SHROOM4: variants seen among roughly 807,000 people sequenced by gnomAD.
SHROOM4 encodes shroom family member 4, also known as protein Shroom4.
SHROOM4 carries 17 observed loss-of-function variants against 80.3 expected under a neutral mutation model. The ratio of observed to expected loss-of-function variants is 0.21; its 90% CI spans 0.14 to 0.32. The LOEUF is 0.32. Ranked by LOEUF, SHROOM4 falls within the 10% of genes least tolerant of loss-of-function variation. The pLI, the probability that SHROOM4 is intolerant of heterozygous loss-of-function variation, is 1.00. For synonymous variants in SHROOM4, 400 were observed against 437.5 expected (o/e 0.91, Z 1.07); for missense variants, 993 against 1,140.3 (o/e 0.87, Z 1.86).
chrX:50,812,591 G>A (rs1478200351), intron 1 of SHROOM4, among the ~76,000 whole-genome samples: 1 of 110,926 alleles, frequency 9.0e-6, no homozygotes, highest in Non-Finnish European at 1.9e-5. Context: ...CTCCAGGGTT[G>A]CTAAGAGTGT....
intron 1 of SHROOM4, among the ~76,000 whole-genome samples, chrX:50,764,336 G>A (rs781849407): frequency 9.1e-5 from 10 of 110,113 alleles, no homozygotes; most frequent in Non-Finnish European, 1.5e-4. Flanking sequence ...TCTTGACTAC[G>A]CCAACCCAAA....
chrX:50,627,780 C>T (rs1018513819), intron 4 of SHROOM4, 105 bp from the exon 5 acceptor site: 2 of 650,845 alleles, frequency 3.1e-6, no homozygotes, highest in Non-Finnish European at 5.0e-6. Context: ...CCCAGCCCCC[C>T]AGCTTGTTTC....
At chrX:50,810,313 A>C (rs1484273948) in intron 1 of SHROOM4, among the ~76,000 whole-genome samples, 1 of 110,989 alleles carries the variant, frequency 9.0e-6, no homozygotes, top group Non-Finnish European at 1.9e-5. Context: ...GTCTCCCATG[A>C]CAACTATGAA....
At chrX:50,735,114 A>G (rs913724547) in intron 1 of SHROOM4, among the ~76,000 whole-genome samples, 1 of 112,152 alleles carries the variant, frequency 8.9e-6, no homozygotes, top group African/African-American at 3.2e-5. Flanking sequence ...ACAGTCTTGT[A>G]ATGGCACAAG....
intron 2 of SHROOM4, among the ~76,000 whole-genome samples, chrX:50,664,601 G>A (rs184129494): frequency 6.5e-4 from 72 of 110,380 alleles, no homozygotes; most frequent in Admixed American, 4.0e-3. Flanking sequence ...AATGACAATA[G>A]TAAGAATTAT....
chrX:50,733,163 C>A (rs887710714), intron 1 of SHROOM4, among the ~76,000 whole-genome samples: 15 of 111,513 alleles, frequency 1.3e-4, no homozygotes, highest in Non-Finnish European at 2.5e-4. Flanking sequence ...ACCAAACAAT[C>A]AATGACCACC....
chrX:50,603,114 C>A (rs1929507111), intron 6 of SHROOM4, among the ~76,000 whole-genome samples: 1 of 111,359 alleles, frequency 9.0e-6, no homozygotes, highest in African/African-American at 3.3e-5. Context: ...ACCTGGCAGG[C>A]CTTCTGATCA....
rs1928799801 is a variant in SHROOM4 at position 50,588,305 on chromosome X, A to C, written c.*8390T>G. On this transcript the variant is annotated 3_prime_UTR_variant, in exon 9 of 9. Transcript: ENST00000376020. ...GGAAAGGAACCATCATCTACGGAGA[A>C]CCTACCATATGAACAGCTCTACCAG... Among the ~76,000 whole-genome samples the C allele has an allele frequency of 8.9e-6, 1 of 111,812 alleles. No individual in the cohort carries two copies. Among genetic ancestry groups the C allele is most frequent in the South Asian group, 3.7e-4 (1 of 2,683 alleles).
intron 1 of SHROOM4, among the ~76,000 whole-genome samples, chrX:50,801,435 C>T (rs782349662): frequency 1.1e-4 from 12 of 110,970 alleles, no homozygotes. Flanking sequence ...GGAAGGGCCC[C>T]ACCTGGGTCT....
At chrX:50,660,086 T>A (rs1016990401) in intron 2 of SHROOM4, among the ~76,000 whole-genome samples, 3 of 112,246 alleles carry the variant, frequency 2.7e-5, no homozygotes, top group African/African-American at 9.7e-5. Flanking sequence ...CATGATTATA[T>A]ATTTTATATA....
intron 1 of SHROOM4, among the ~76,000 whole-genome samples, chrX:50,727,644 T>C (rs1253304987): frequency 4.5e-5 from 5 of 112,259 alleles, no homozygotes; most frequent in Admixed American, 1.9e-4. Flanking sequence ...AGATGTTCCT[T>C]GCTTTCCCTT....
At position 50,596,728 on chromosome X, in the gene SHROOM4, C is replaced by A; in HGVS notation, c.4449G>T (p.Arg1483Ser). The change falls in exon 9 of 9, where the codon AGG (arginine) becomes AGT (serine). Residue 1483 changes from arginine (R) to serine (S), a missense_variant. Physicochemically the swap from Arg to Ser is moderately radical, Grantham distance 110. Transcript: ENST00000376020. Reference protein sequence around the residue: ...KLGEEQLKCLRESLLLGPSNF With the variant: ...KLGEEQLKCLSESLLLGPSNF ...TGCTGGGCCCCAGGAGTAGACTCTC[C>A]CTGAGACATTTGAGTTGCTCTTCCC... 1 of 1,211,457 alleles carries A rather than the reference C, an allele frequency of 8.3e-7. No individual in the cohort carries two copies. Among genetic ancestry groups the A allele is most frequent in the Non-Finnish European group, 1.1e-6 (1 of 895,556 alleles).
Position 50,813,923 on chromosome X carries a change from A to G in SHROOM4, c.96T>C (p.Cys32=), listed in dbSNP as rs112588837. Reference sequence around the variant, plus strand: ...TTACCTTAGACACTGTGAGCGGCTCACAGTGTTCCAGACCCCCCTTAAGGG... The same window carrying G: ...TTACCTTAGACACTGTGAGCGGCTCGCAGTGTTCCAGACCCCCCTTAAGGG... The part of the protein sequence containing the change: ...GFTLKGGLEH[C]EPLTVSKIED... Residue 32 remains cysteine, a synonymous_variant, in exon 1 of 9, where the codon TGT becomes TGC. Transcript: ENST00000376020. 1.0e-3 allele frequency: 1,214 copies of G among 1,199,102 alleles called. 9 individuals are homozygous for G. In the African/African-American group the frequency reaches 0.018, roughly 17 times the overall value.
At chrX:50,764,264 C>T (rs781846952) in intron 1 of SHROOM4, among the ~76,000 whole-genome samples, 12 of 110,989 alleles carry the variant, frequency 1.1e-4, no homozygotes, top group Admixed American at 9.6e-4. Context: ...TTGATCTGTA[C>T]CTCCTGGTAT....
the SHROOM4 span, among the ~76,000 whole-genome samples, chrX:50,578,337 C>T: frequency 1.8e-5 from 2 of 112,423 alleles, no homozygotes; most frequent in African/African-American, 3.2e-5. Flanking sequence ...GACGGAGTCT[C>T]GCTCTGTTGC....
At chrX:50,735,975 C>A (rs1435620615) in intron 1 of SHROOM4, among the ~76,000 whole-genome samples, 1 of 106,471 alleles carries the variant, frequency 9.4e-6, no homozygotes, top group Non-Finnish European at 1.9e-5. Flanking sequence ...CCACTGCACT[C>A]CAGCCTGGGT....
intron 4 of SHROOM4, among the ~76,000 whole-genome samples, chrX:50,630,240 C>T (rs1263111770): frequency 1.9e-5 from 2 of 107,782 alleles, no homozygotes; most frequent in Admixed American, 2.0e-4. Context: ...CCCCGCCCCA[C>T]TCACCCCCAA....
intron 1 of SHROOM4, among the ~76,000 whole-genome samples, chrX:50,749,366 G>C (rs1373405098): frequency 8.9e-6 from 1 of 112,086 alleles, no homozygotes; most frequent in Non-Finnish European, 1.9e-5. Context: ...GCATTTCCCT[G>C]GTTCATCTTA....
intron 1 of SHROOM4, 21 bp from the exon 2 acceptor site, chrX:50,695,958 C>G (rs782053537): frequency 4.1e-6 from 5 of 1,211,029 alleles, no homozygotes; most frequent in Non-Finnish European, 5.6e-6. Context: ...GAGAACAAAA[C>G]AGAAAGCAGG....
Sources: gnomAD v4.1 joint callset for allele counts (sites outside exome capture counted in the v4.1 genomes callset) on GRCh38, gnomAD v4.1.1 for gene constraint, MANE v1.5 for transcripts, NCBI Gene and HGNC (gene_info 2026-07-23, HGNC 2026-07-21) for gene names.